The following CBFA2T2 variants were observed in gnomAD, a reference collection of about 807,000 sequenced individuals.
CBFA2T2 encodes CBFA2/RUNX1 partner transcriptional co-repressor 2, also known as protein CBFA2T2.
CBFA2T2 carries 11 observed loss-of-function variants against 62.2 expected under a neutral mutation model. That is an observed-to-expected ratio of 0.18 (90% CI 0.11 to 0.29). The LOEUF (loss-of-function observed/expected upper bound fraction) is 0.29, where lower values mean the gene tolerates loss of function less well. Ranked by LOEUF, CBFA2T2 falls within the 10% of genes least tolerant of loss-of-function variation. CBFA2T2 has a pLI of 1.00. For missense variants in CBFA2T2, 592 were observed against 774.1 expected (o/e 0.76, Z 2.79); for synonymous variants, 295 against 287.5 (o/e 1.03, Z -0.27).
chr20:33,577,220 GTATT>G (rs957324839), intron 1 of CBFA2T2, among the ~76,000 whole-genome samples: 4 of 152,208 alleles, frequency 2.6e-5, no homozygotes, highest in Admixed American at 2.0e-4. Context: ...CCTATACTAA[GTATT>G]TATCCATTTT....
chr20:33,574,192 A>G (rs2013712139), intron 1 of CBFA2T2: 1 of 1,613,048 alleles, frequency 6.2e-7, no homozygotes, highest in South Asian at 1.1e-5. Flanking sequence ...TAAGCAGATC[A>G]CCAGGTGAAT....
At chr20:33,621,515 CT>C (rs2015987697) in intron 4 of CBFA2T2, among the ~76,000 whole-genome samples, 1 of 151,840 alleles carries the variant, frequency 6.6e-6, no homozygotes, top group African/African-American at 2.4e-5. Flanking sequence ...ATTGTCCAGG[CT>C]GGTCTCAAAC....
intron 1 of CBFA2T2, 135 bp downstream of exon 1, chr20:33,490,436 A>AGGTC (rs2011138043): frequency 5.3e-6 from 5 of 937,756 alleles, no homozygotes. Flanking sequence ...GGCGGATCCA[A>AGGTC]GGTCACGCAG....
In CBFA2T2 at chr20:33,490,103, G is replaced by GCGGCGA. The variant is rs1165106626; in HGVS notation, c.-157_-152dup. 84 of 667,118 alleles carry GCGGCGA rather than the reference G, an allele frequency of 1.3e-4. No individual in the cohort carries two copies. The highest frequency in any genetic ancestry group is 2.7e-4 in the Admixed American group (5 of 18,384). 41.3% of individuals were successfully genotyped at this position (667,118 alleles called of 1,614,324 possible). A position where few individuals can be genotyped will look rare whatever the true frequency, so the allele number is the denominator to read the frequency against. The stretch of plus-strand genomic sequence containing the variant: ...GCGCGGCCTAACGGCGGCGGCGGCG[G>GCGGCGA]CGGCGACGGCGACAGCAGCGGTGGT... On this transcript the variant is annotated 5_prime_UTR_variant, in exon 1 of 11. Transcript: ENST00000342704.
At chr20:33,536,276 GGGGCGGCTGGCCGGGC>G (rs2012227171) in intron 1 of CBFA2T2, among the ~76,000 whole-genome samples, 1 of 140,098 alleles carries the variant, frequency 7.1e-6, no homozygotes, top group South Asian at 2.3e-4. Flanking sequence ...TCTCCCAGAC[GGGGCGGCTGGCCGGGC>G]GGGGGGCTGA....
chr20:33,636,647 G>T lies in CBFA2T2; in HGVS notation c.1236G>T (p.Gln412His). The T allele has an allele frequency of 1.9e-6, 3 of 1,613,334 alleles. No homozygotes were observed. The highest frequency in any genetic ancestry group is 2.5e-6 in the Non-Finnish European group (3 of 1,179,394). ...GSADSLSNDS[Q>H]REFNSRPGTG... ...TTTATGTCTCTTCTGCAGATTCTCA[G>T]AGAGAGTTCAACAGCAGGCCAGGTA... The change falls in exon 9 of 11, where the codon CAG becomes CAT. Residue 412 changes from glutamine (Q) to histidine (H), a missense_variant. By Grantham distance (24) the Gln-to-His change is conservative. Around this residue, in one of 3 missense-constraint regions of CBFA2T2, gnomAD observed 449 missense variants for 551.2 expected, o/e 0.81. Coordinates refer to ENST00000342704, the MANE Select transcript of CBFA2T2 (RefSeq NM_001032999.3).
intron 1 of CBFA2T2, among the ~76,000 whole-genome samples, chr20:33,532,724 G>C (rs141826103): frequency 2.6e-4 from 40 of 152,172 alleles, no homozygotes; most frequent in Middle Eastern, 3.2e-3. Flanking sequence ...TGTATTTATC[G>C]GTAAAATAAG....
At chr20:33,547,439 A>G (rs928179653) in intron 1 of CBFA2T2, among the ~76,000 whole-genome samples, 10 of 152,210 alleles carry the variant, frequency 6.6e-5, no homozygotes, top group Non-Finnish European at 1.5e-4. Context: ...GCTGTTGCTC[A>G]TGCCTGTAAT....
At chr20:33,524,624 C>G (rs2011834259) in intron 1 of CBFA2T2, among the ~76,000 whole-genome samples, 1 of 151,970 alleles carries the variant, frequency 6.6e-6, no homozygotes, top group East Asian at 1.9e-4. Flanking sequence ...TCCAGATGCT[C>G]ACTTAAATAC....
rs1287063825 is a variant in CBFA2T2, at chr20:33,549,295, C to A, written c.35-57661C>A. ...AAATTTATAAAAAAAAAAAATCAAC[C>A]ATTTTGAACTTGTGTAGATTGTTCC... On this transcript the variant is annotated intron_variant, in intron 1 of 10. Coordinates refer to ENST00000342704, the MANE Select transcript of CBFA2T2 (RefSeq NM_001032999.3). 7.9e-5 allele frequency among the ~76,000 whole-genome samples: 12 copies of A among 151,730 alleles called. 1 individual carries two copies.
At position 33,619,505 on chromosome 20, in the gene CBFA2T2, T is replaced by C; in HGVS notation, c.421-12T>C. On this transcript the variant is annotated splice_polypyrimidine_tract_variant and intron_variant, in intron 3 of 10. Transcript: ENST00000342704. ...AGTTTTGGAAGTTGAACAAGGTTAT[T>C]TATCTTTTCAGAACTCAACAGTGAC... is the stretch of plus-strand genomic sequence containing the variant. The C allele has an allele frequency of 6.5e-7, 1 of 1,539,650 alleles. No homozygotes were observed. Among genetic ancestry groups the C allele is most frequent in the Non-Finnish European group, 8.8e-7 (1 of 1,140,210 alleles).
At chr20:33,537,506 G>A (rs932984546) in intron 1 of CBFA2T2, among the ~76,000 whole-genome samples, 2 of 152,222 alleles carry the variant, frequency 1.3e-5, no homozygotes, top group Non-Finnish European at 2.9e-5. Context: ...ACCGTGGGCC[G>A]TGGTGAGAGT....
chr20:33,601,554 C>T (rs776168428), intron 1 of CBFA2T2, among the ~76,000 whole-genome samples: 6 of 152,268 alleles, frequency 3.9e-5, no homozygotes, highest in East Asian at 1.9e-4. Flanking sequence ...CATGAGCCAC[C>T]GTGCTCAGCC....
chr20:33,637,094 G>A (rs1389251500), intron 9 of CBFA2T2, among the ~76,000 whole-genome samples: 1 of 152,118 alleles, frequency 6.6e-6, no homozygotes, highest in Non-Finnish European at 1.5e-5. Flanking sequence ...ATTCTGCTCT[G>A]GGCACAGCTC....
In CBFA2T2 at chr20:33,648,082, A is replaced by G. The variant is rs1157669583; in HGVS notation, c.*3436A>G. ...TGCGTGGTTCCCAGCCTCTGCTGAC[A>G]GCACCTCAGCTACCAGGTGGGGAGT... On this transcript the variant is annotated 3_prime_UTR_variant, in exon 11 of 11. Transcript: ENST00000342704. The G allele has an allele frequency of 6.6e-6, 1 of 152,292 alleles. No homozygotes were observed. Among genetic ancestry groups the G allele is most frequent in the Non-Finnish European group, 1.5e-5 (1 of 68,084 alleles). 9.4% of individuals were successfully genotyped at this position (152,292 alleles called of 1,614,324 possible).
chr20:33,506,677 GC>G (rs1356134820), intron 1 of CBFA2T2, among the ~76,000 whole-genome samples: 12 of 152,292 alleles, frequency 7.9e-5, no homozygotes, highest in African/African-American at 2.9e-4. Context: ...TGTAATTGAT[GC>G]CATCGAGTGA....
chr20:33,637,554 C>T (rs1003986765), intron 9 of CBFA2T2, among the ~76,000 whole-genome samples: 4 of 152,102 alleles, frequency 2.6e-5, no homozygotes, highest in East Asian at 1.9e-4. Flanking sequence ...TGTCTTTAAC[C>T]GTCCGTTATT....
chr20:33,536,542 G>T (rs1034795728), intron 1 of CBFA2T2, among the ~76,000 whole-genome samples: 1 of 151,098 alleles, frequency 6.6e-6, no homozygotes, highest in African/African-American at 2.4e-5. Context: ...CCCAGACGGG[G>T]TGGCTGCCGG....
intron 1 of CBFA2T2, among the ~76,000 whole-genome samples, chr20:33,557,004 CTTTTTTTTTTT>C (rs751836572): frequency 3.0e-4 from 14 of 46,212 alleles, no homozygotes; most frequent in Admixed American, 8.9e-4. Flanking sequence ...GCATGCTTAT[CTTTTTTTTTTT>C]TTTTTTTTTT....
Sources: gnomAD v4.1 joint callset for allele counts (sites outside exome capture counted in the v4.1 genomes callset) on GRCh38, gnomAD v4.1.1 for gene constraint, gnomAD v4.1.1 regional missense constraint, MANE v1.5 for transcripts, NCBI Gene and HGNC (gene_info 2026-07-23, HGNC 2026-07-21) for gene names.